Variants in NMBR observed in about 807,000 individuals in gnomAD.
NMBR encodes the protein neuromedin B receptor, also known as neuromedin-B receptor.
NMBR carries 16 observed loss-of-function variants against 20.5 expected under a neutral mutation model. That is an observed-to-expected ratio of 0.78 (90% CI 0.53 to 1.19). The LOEUF is 1.19. Ranked by LOEUF, NMBR falls within the 50% of genes most tolerant of loss-of-function variation. The pLI is 0.00. For synonymous variants in NMBR, 212 were observed against 196.6 expected, an observed-to-expected ratio of 1.08 and a Z score of -0.65; for missense variants, 582 against 499.1, an observed-to-expected ratio of 1.17 and a Z score of -1.58.
At chr6:142,094,712 G>T (rs1206449111) in intron 1 of NMBR, among the ~76,000 whole-genome samples, 1 of 152,104 alleles carries the variant, frequency 6.6e-6, no homozygotes, top group East Asian at 1.9e-4. Flanking sequence ...GCTTGATGGG[G>T]ATGGCATTGA....
At chr6:142,108,533 C>T (rs1344774004) in intron 1 of NMBR, among the ~76,000 whole-genome samples, 1 of 152,146 alleles carries the variant, frequency 6.6e-6, no homozygotes, top group Non-Finnish European at 1.5e-5. Context: ...CTTCACCTAA[C>T]TGCAGAAGAG....
At chr6:142,141,408 A>G (rs535074210) in intron 1 of NMBR, among the ~76,000 whole-genome samples, 5 of 152,342 alleles carry the variant, frequency 3.3e-5, no homozygotes, top group African/African-American at 1.2e-4. Context: ...AAAGCAGTTA[A>G]AACAGTGTTT....
intron 2 of NMBR, among the ~76,000 whole-genome samples, chr6:142,087,266 AGAG>A (rs1331789842): frequency 6.6e-6 from 1 of 152,236 alleles, no homozygotes; most frequent in African/African-American, 2.4e-5. Flanking sequence ...TGTAAATTAA[AGAG>A]GAGAGGGCAT....
At chr6:142,086,230 A>C (rs564449698) in intron 2 of NMBR, among the ~76,000 whole-genome samples, 4 of 152,182 alleles carry the variant, frequency 2.6e-5, no homozygotes, top group Non-Finnish European at 4.4e-5. Context: ...CTGAATTTCT[A>C]ATCTGTTTTC....
chr6:142,118,351 T>C (rs1777887067), intron 1 of NMBR, among the ~76,000 whole-genome samples: 1 of 152,028 alleles, frequency 6.6e-6, no homozygotes, highest in South Asian at 2.1e-4. Flanking sequence ...CATTTGCTAA[T>C]GACAGTTTTT....
chr6:142,108,766 G>T (rs4455685), intron 1 of NMBR, among the ~76,000 whole-genome samples: 1 of 151,940 alleles, frequency 6.6e-6, no homozygotes, highest in Non-Finnish European at 1.5e-5. Context: ...CAAATATCAT[G>T]TCCGCACATT....
At chr6:142,123,892 G>A (rs1479248300) in intron 1 of NMBR, among the ~76,000 whole-genome samples, 1 of 151,766 alleles carries the variant, frequency 6.6e-6, no homozygotes, top group African/African-American at 2.4e-5. Context: ...ATACCACATC[G>A]GATATTTTTT....
At chr6:142,108,165 A>T (rs1401581135) in intron 1 of NMBR, among the ~76,000 whole-genome samples, 4 of 152,202 alleles carry the variant, frequency 2.6e-5, no homozygotes, top group African/African-American at 7.2e-5. Flanking sequence ...CACAAAAGTT[A>T]TTCAAAAAAG....
rs140918026 is a variant in NMBR, at chr6:142,094,751, C to T, written c.-663-5430G>A. Among the ~76,000 whole-genome samples, 582 of 152,258 alleles carry T rather than the reference C, an allele frequency of 3.8e-3. 5 individuals carry two copies. The highest frequency in any genetic ancestry group is 0.013 in the African/African-American group (552 of 41,554). On this transcript the variant is annotated intron_variant, in intron 1 of 3. Coordinates refer to ENST00000258042, the MANE Select transcript of NMBR (RefSeq NM_002511.4). The stretch of plus-strand genomic sequence containing the variant: ...TATAAATTACCTTGGGCAGTATGTC[C>T]ATTTCCACGATATTGATTCTTCCTA...
chr6:142,126,689 C>A (rs1021506839), intron 1 of NMBR, among the ~76,000 whole-genome samples: 3 of 144,778 alleles, frequency 2.1e-5, no homozygotes, highest in African/African-American at 7.7e-5. Flanking sequence ...TATTGGCCAT[C>A]TGTGGTTCTT....
At position 142,134,802 on chromosome 6, in the gene NMBR, C is replaced by G. The variant is rs779222994; in HGVS notation, c.-664+12242G>C. 11 of 677,120 alleles carry G rather than the reference C, an allele frequency of 1.6e-5. No individual in the cohort carries two copies. The South Asian group carries it at 1.8e-4, about 11-fold the overall frequency. 41.9% of individuals were successfully genotyped at this position (677,120 alleles called of 1,614,324 possible). ...TTATAAGATGCATGGTTCCAGAACA[C>G]TTTGAAAAAACCATTTTTCTCATTG... On this transcript the variant is annotated intron_variant, in intron 1 of 3. Transcript: ENST00000258042.
intron 1 of NMBR, among the ~76,000 whole-genome samples, chr6:142,093,465 C>G (rs1777377445): frequency 6.6e-6 from 1 of 151,690 alleles, no homozygotes; most frequent in African/African-American, 2.4e-5. Flanking sequence ...ATCCATGTCC[C>G]TACAAAGGAC....
intron 1 of NMBR, among the ~76,000 whole-genome samples, chr6:142,109,476 C>CTTTTTTT (rs77684305): frequency 1.2e-4 from 13 of 108,316 alleles, no homozygotes; most frequent in East Asian, 7.8e-4. Flanking sequence ...TTGGGTATGT[C>CTTTTTTT]TTTTTTTTTT....
chr6:142,075,697 TTGGTCAC>T lies in NMBR; in HGVS notation c.1117_1123del (p.Val373IlefsTer5). 1 of 1,613,608 alleles carries T rather than the reference TTGGTCAC, an allele frequency of 6.2e-7. No homozygotes were observed. The highest frequency in any genetic ancestry group is 1.3e-5 in the African/African-American group (1 of 75,016). ...GCTGTGCCCATTTAGTAAAACAGAA[TTGGTCAC>T]CATGTTCTTAGCATTGCTTTTCAGA... On this transcript the variant is annotated frameshift_variant, in exon 4 of 4. Coordinates refer to ENST00000258042, the MANE Select transcript of NMBR (RefSeq NM_002511.4). LOFTEE classifies it high-confidence loss of function.
intron 1 of NMBR, among the ~76,000 whole-genome samples, chr6:142,090,249 G>T (rs1777298838): frequency 6.6e-6 from 1 of 151,806 alleles, no homozygotes; most frequent in South Asian, 2.1e-4. Context: ...TGTTATTAAA[G>T]GATAAAATTG....
intron 1 of NMBR, among the ~76,000 whole-genome samples, chr6:142,136,307 T>C (rs1420167604): frequency 1.3e-5 from 2 of 152,250 alleles, no homozygotes; most frequent in South Asian, 2.1e-4. Context: ...TTGAGAAGTG[T>C]TTGTTCATAT....
At chr6:142,117,948 C>T (rs1777881193) in intron 1 of NMBR, among the ~76,000 whole-genome samples, 1 of 151,796 alleles carries the variant, frequency 6.6e-6, no homozygotes, top group Non-Finnish European at 1.5e-5. Flanking sequence ...ATTGGGATGA[C>T]ATGAGGAATA....
At chr6:142,089,961 A>G (rs1368687577) in intron 1 of NMBR, among the ~76,000 whole-genome samples, 2 of 152,184 alleles carry the variant, frequency 1.3e-5, no homozygotes, top group East Asian at 3.8e-4. Flanking sequence ...ATAAATTACT[A>G]ACTTATTTTT....
intron 1 of NMBR, among the ~76,000 whole-genome samples, chr6:142,129,397 T>A (rs1778100662): frequency 6.6e-6 from 1 of 152,074 alleles, no homozygotes; most frequent in Non-Finnish European, 1.5e-5. Context: ...AATTTATAAA[T>A]GTATCCTGGT....
Sources: gnomAD v4.1 joint callset for allele counts (sites outside exome capture counted in the v4.1 genomes callset) on GRCh38, gnomAD v4.1.1 for gene constraint, MANE v1.5 for transcripts, NCBI Gene and HGNC (gene_info 2026-07-23, HGNC 2026-07-21) for gene names.